DPP10: variants seen among roughly 807,000 people sequenced by gnomAD.
DPP10 encodes inactive dipeptidyl peptidase 10.
A neutral mutation model predicts 120.9 loss-of-function variants in DPP10; 33 were observed. That is an observed-to-expected ratio of 0.27 (90% CI 0.21 to 0.37). The LOEUF (loss-of-function observed/expected upper bound fraction) is 0.37. Among genes scored for constraint, DPP10 ranks in the 10% least tolerant of loss-of-function variants. The pLI, the probability that DPP10 is intolerant of heterozygous loss-of-function variation, is 1.00. For synonymous variants in DPP10, 337 were observed against 326.1 expected (o/e 1.03, Z -0.36); for missense variants, 816 against 942.8 (o/e 0.87, Z 1.76).
intron 4 of DPP10, among the ~76,000 whole-genome samples, chr2:115,513,687 A>G (rs972791028): frequency 3.3e-5 from 5 of 152,002 alleles, no homozygotes; most frequent in African/African-American, 1.2e-4. Flanking sequence ...TTTGTACTGT[A>G]ATTTTCATAC....
At chr2:115,238,004 TGGC>T (rs1487904109) in intron 1 of DPP10, among the ~76,000 whole-genome samples, 7 of 152,164 alleles carry the variant, frequency 4.6e-5, no homozygotes, top group Non-Finnish European at 1.0e-4. Context: ...TTGCTGAAGT[TGGC>T]CACACTAGAC....
intron 1 of DPP10, among the ~76,000 whole-genome samples, chr2:114,845,316 C>T (rs1372259983): frequency 6.6e-6 from 1 of 152,124 alleles, no homozygotes; most frequent in Non-Finnish European, 1.5e-5. Context: ...ATGATTACTT[C>T]ATAATATGCA....
Position 115,767,489 on chromosome 2 carries a change from G to A in DPP10, c.1114-808G>A, listed in dbSNP as rs187591636. ...CATACATATATGTGTGTGTGTGTGT[G>A]TATATATATATACACATAGTGTGTG... On this transcript the variant is annotated intron_variant, in intron 12 of 25. Transcript: ENST00000410059. Among the ~76,000 whole-genome samples the A allele has an allele frequency of 5.3e-3, 583 of 109,276 alleles. 1 individual carries two copies. Among genetic ancestry groups the A allele is most frequent in the Admixed American group, 0.01 (97 of 9,538 alleles). The allele number at this position is 109,276 out of a possible 152,430, so 71.7% of individuals were successfully genotyped here. A position where few individuals can be genotyped will look rare whatever the true frequency, so the allele number is the denominator to read the frequency against.
intron 3 of DPP10, among the ~76,000 whole-genome samples, chr2:115,435,155 G>A (rs1038370563): frequency 6.6e-6 from 1 of 151,564 alleles, no homozygotes. Context: ...TAAGAGTGCA[G>A]ATATCTCTTC....
At chr2:114,750,526 G>A (rs1679112027) in intron 1 of DPP10, among the ~76,000 whole-genome samples, 1 of 152,084 alleles carries the variant, frequency 6.6e-6, no homozygotes, top group African/African-American at 2.4e-5. Context: ...GTAGAGACGG[G>A]GTTTCACCGT....
chr2:114,899,289 T>A (rs950655678), intron 1 of DPP10, among the ~76,000 whole-genome samples: 8 of 152,096 alleles, frequency 5.3e-5, no homozygotes, highest in African/African-American at 2.4e-5. Flanking sequence ...AGGTTTTTTT[T>A]AACTTTTTAT....
At chr2:115,504,698 A>G (rs17044570) in intron 4 of DPP10, among the ~76,000 whole-genome samples, 4,442 of 152,172 alleles carry the variant, frequency 0.029, 220 homozygotes, top group African/African-American at 0.1. Flanking sequence ...ACCTTTCTAT[A>G]TTTAGTTAGG....
intron 1 of DPP10, among the ~76,000 whole-genome samples, chr2:114,512,450 C>T (rs536473078): frequency 4.6e-5 from 7 of 152,146 alleles, no homozygotes; most frequent in Non-Finnish European, 7.4e-5. Flanking sequence ...CTTTGGTGCA[C>T]CCCTTAGAGA....
At chr2:114,806,700 T>G (rs1684746177) in intron 1 of DPP10, among the ~76,000 whole-genome samples, 1 of 152,208 alleles carries the variant, frequency 6.6e-6, no homozygotes, top group Non-Finnish European at 1.5e-5. Flanking sequence ...TCAGAAAAAT[T>G]TGGCATATTA....
chr2:114,600,260 C>A (rs1378275997), intron 1 of DPP10, among the ~76,000 whole-genome samples: 2 of 151,548 alleles, frequency 1.3e-5, no homozygotes, highest in Non-Finnish European at 3.0e-5. Context: ...ATTTTTATTT[C>A]TGTGTATTGA....
At chr2:115,349,986 A>C (rs1490756105) in intron 3 of DPP10, among the ~76,000 whole-genome samples, 4 of 152,066 alleles carry the variant, frequency 2.6e-5, no homozygotes, top group African/African-American at 9.7e-5. Context: ...TCATCAACCA[A>C]ACTGATAGTT....
At chr2:115,497,671 A>AG (rs969657385) in intron 3 of DPP10, among the ~76,000 whole-genome samples, 2 of 151,970 alleles carry the variant, frequency 1.3e-5, no homozygotes, top group Admixed American at 6.6e-5. Context: ...ATTTTAAAAA[A>AG]TTCATAGAGG....
intron 19 of DPP10, among the ~76,000 whole-genome samples, chr2:115,800,172 G>T (rs372005270): frequency 2.9e-4 from 43 of 149,974 alleles, no homozygotes; most frequent in Middle Eastern, 6.9e-3. Context: ...GATTTGCATT[G>T]CTCTGATGGC....
intron 5 of DPP10, among the ~76,000 whole-genome samples, chr2:115,557,134 A>G (rs1490501611): frequency 1.3e-5 from 2 of 152,094 alleles, no homozygotes; most frequent in Admixed American, 6.6e-5. Flanking sequence ...ATATAACCAC[A>G]TGAAATATGT....
chr2:115,669,381 A>C (rs2089700641), intron 5 of DPP10, among the ~76,000 whole-genome samples: 1 of 152,138 alleles, frequency 6.6e-6, no homozygotes, highest in Non-Finnish European at 1.5e-5. Context: ...AGAAAGGATA[A>C]GAATGCAAAC....
At chr2:115,676,277 T>C (rs1469899061) in intron 5 of DPP10, among the ~76,000 whole-genome samples, 1 of 152,158 alleles carries the variant, frequency 6.6e-6, no homozygotes, top group Non-Finnish European at 1.5e-5. Flanking sequence ...TGACATTGAT[T>C]ACCAAATAAT....
chr2:115,604,670 C>T (rs1162972457), intron 5 of DPP10, among the ~76,000 whole-genome samples: 2 of 147,908 alleles, frequency 1.4e-5, no homozygotes, highest in African/African-American at 2.5e-5. Context: ...TTTCATTTCA[C>T]AACCCTACAT....
chr2:115,069,559 A>G (rs1324175945), intron 1 of DPP10, among the ~76,000 whole-genome samples: 1 of 152,122 alleles, frequency 6.6e-6, no homozygotes, highest in Non-Finnish European at 1.5e-5. Context: ...TACAGAAATC[A>G]CAGTTTTACC....
intron 2 of DPP10, among the ~76,000 whole-genome samples, chr2:115,318,917 C>G (rs547465618): frequency 6.6e-6 from 1 of 152,112 alleles, no homozygotes; most frequent in East Asian, 1.9e-4. Flanking sequence ...TTTTTCTTGT[C>G]TAGTTACTCT....
Sources: gnomAD v4.1 joint callset for allele counts (sites outside exome capture counted in the v4.1 genomes callset) on GRCh38, gnomAD v4.1.1 for gene constraint, MANE v1.5 for transcripts, NCBI Gene and HGNC (gene_info 2026-07-23, HGNC 2026-07-21) for gene names.